The following KLHL4 variants were observed in gnomAD, a reference collection of about 807,000 sequenced individuals.
KLHL4 encodes the protein kelch like family member 4.
In KLHL4, 17 loss-of-function variants were observed where a neutral mutation model predicts 45.8. The ratio of observed to expected loss-of-function variants is 0.37; its 90% confidence interval spans 0.25 to 0.56. The LOEUF (loss-of-function observed/expected upper bound fraction) is 0.56. Among genes scored for constraint, KLHL4 ranks in the 20% least tolerant of loss-of-function variants. The pLI is 0.79. For synonymous variants in KLHL4, 224 were observed against 189.9 expected (o/e 1.18, Z -1.47); for missense variants, 544 against 544.9 (o/e 1.00, Z 0.02).
chrX:87,574,111 A>G (rs765080817), intron 1 of KLHL4, among the ~76,000 whole-genome samples: 32 of 112,067 alleles, frequency 2.9e-4, no homozygotes, highest in African/African-American at 1.0e-3. Flanking sequence ...TATTTGTAAT[A>G]GTAGGTAGCC....
chrX:87,549,836 A>G (rs1038037715), intron 1 of KLHL4, among the ~76,000 whole-genome samples: 2 of 111,401 alleles, frequency 1.8e-5, no homozygotes, highest in Non-Finnish European at 3.8e-5. Flanking sequence ...CTTCACATAA[A>G]CAATCTAAAG....
chrX:87,534,719 G>C (rs983262831), intron 1 of KLHL4, among the ~76,000 whole-genome samples: 2 of 111,537 alleles, frequency 1.8e-5, no homozygotes, highest in Non-Finnish European at 3.8e-5. Flanking sequence ...ACTTGGCATG[G>C]ATCACCTTGT....
At chrX:87,585,864 T>G (rs984033436) in intron 1 of KLHL4, among the ~76,000 whole-genome samples, 20 of 111,066 alleles carry the variant, frequency 1.8e-4, no homozygotes, top group African/African-American at 6.2e-4. Context: ...CTCATTGATC[T>G]TTTGCCTATG....
chrX:87,527,440 T>C (rs987011412), intron 1 of KLHL4, among the ~76,000 whole-genome samples: 5 of 111,382 alleles, frequency 4.5e-5, no homozygotes, highest in South Asian at 3.8e-4. Flanking sequence ...GCCAAGAGCC[T>C]GGGCCTGATG....
rs1211204416 is a variant in KLHL4 at position 87,660,075 on chromosome X, T to C, written c.1926-4689T>C. ...GAAAAACCCAAAGAATACAGTAGACTTAAACTGTGTTTAAACAACACTGCA... is the reference window on the plus strand; with the variant it reads ...GAAAAACCCAAAGAATACAGTAGACCTAAACTGTGTTTAAACAACACTGCA... On this transcript the variant is annotated intron_variant, in intron 9 of 10. Coordinates refer to ENST00000373119, the MANE Select transcript of KLHL4 (RefSeq NM_019117.5). Among the ~76,000 whole-genome samples the C allele has an allele frequency of 1.7e-4, 19 of 111,075 alleles. No homozygotes were observed. In the Admixed American group the frequency reaches 1.8e-3, roughly 11 times the overall value.
intron 1 of KLHL4, among the ~76,000 whole-genome samples, chrX:87,602,681 G>A (rs59186629): frequency 0.22 from 24,790 of 110,388 alleles, 2,063 homozygotes; most frequent in South Asian, 0.32. Flanking sequence ...CTATTGATGC[G>A]TTTTTCAGAA....
In KLHL4 at chrX:87,669,325, A is replaced by G. The variant is rs1209520732; in HGVS notation, c.*2791A>G. ...CTGTCTGTCACCTTCCTGTATTTCC[A>G]CAGAGCATGCAAGAACTTCTACAAA... On this transcript the variant is annotated 3_prime_UTR_variant, in exon 11 of 11. Coordinates refer to ENST00000373119, the MANE Select transcript of KLHL4 (RefSeq NM_019117.5). 1 of 1,206,830 alleles carries G rather than the reference A, an allele frequency of 8.3e-7. No homozygotes were observed.
intron 1 of KLHL4, among the ~76,000 whole-genome samples, chrX:87,540,383 G>A (rs1023475935): frequency 1.8e-5 from 2 of 111,507 alleles, no homozygotes; most frequent in Non-Finnish European, 3.8e-5. Context: ...TTTGATGCTT[G>A]TAGTAACACA....
chrX:87,635,833 A>G, intron 9 of KLHL4, 58 bp downstream of exon 9: 2 of 895,839 alleles, frequency 2.2e-6, no homozygotes, highest in South Asian at 5.7e-5. Flanking sequence ...TTTTTTAGAA[A>G]TAGAAAGATT....
At chrX:87,636,076 T>A (rs777982642) in intron 9 of KLHL4, among the ~76,000 whole-genome samples, 2 of 112,059 alleles carry the variant, frequency 1.8e-5, no homozygotes, top group African/African-American at 3.2e-5. Context: ...AACCAGAAAG[T>A]AGTCTTCCAA....
chrX:87,650,422 T>G (rs1923773410), intron 9 of KLHL4, among the ~76,000 whole-genome samples: 1 of 112,274 alleles, frequency 8.9e-6, no homozygotes. Context: ...CTTAACAATA[T>G]TAAGGCTTCC....
intron 1 of KLHL4, among the ~76,000 whole-genome samples, chrX:87,563,109 C>T (rs1932135604): frequency 9.0e-6 from 1 of 110,826 alleles, no homozygotes; most frequent in African/African-American, 3.3e-5. Flanking sequence ...TCTTAGATTA[C>T]AATGCTCAAT....
chrX:87,648,002 T>G lies in KLHL4; in HGVS notation c.1925+12227T>G, dbSNP rs999189020. Among the ~76,000 whole-genome samples, 3 of 111,306 alleles carry G rather than the reference T, an allele frequency of 2.7e-5. No individual in the cohort carries two copies. In the Admixed American group the frequency reaches 2.9e-4, roughly 11 times the overall value. On this transcript the variant is annotated intron_variant, in intron 9 of 10. Coordinates refer to ENST00000373119, the MANE Select transcript of KLHL4 (RefSeq NM_019117.5). The stretch of plus-strand genomic sequence containing the variant: ...AGAAATTAATAATATAATTCTGTAT[T>G]TTATTAATATACAGAAGTATTTATT...
intron 9 of KLHL4, among the ~76,000 whole-genome samples, chrX:87,648,580 A>G (rs1923711353): frequency 9.0e-6 from 1 of 111,628 alleles, no homozygotes. Context: ...GAAAAAAGCA[A>G]CTTGGAAGAA....
intron 1 of KLHL4, among the ~76,000 whole-genome samples, chrX:87,584,175 G>C (rs1921381718): frequency 8.9e-6 from 1 of 111,905 alleles, no homozygotes; most frequent in Non-Finnish European, 1.9e-5. Context: ...CCCTAAAGTA[G>C]ATACTGATTA....
Position 87,668,033 on chromosome X carries a change from C to T in KLHL4, c.*1499C>T, listed in dbSNP as rs867813676. 3 of 722,374 alleles carry T rather than the reference C, an allele frequency of 4.2e-6. No individual in the cohort carries two copies. Among genetic ancestry groups the T allele is most frequent in the Non-Finnish European group, 4.9e-6 (3 of 611,557 alleles). 59.5% of individuals were successfully genotyped at this position (722,374 alleles called of 1,213,427 possible). ...AATACTTAAACACAAAAATAAAATT[C>T]CACTCCTTTATTTCTTCTTACACCT... On this transcript the variant is annotated 3_prime_UTR_variant, in exon 11 of 11. Coordinates refer to ENST00000373119, the MANE Select transcript of KLHL4 (RefSeq NM_019117.5).
At chrX:87,555,841 C>T (rs1224594256) in intron 1 of KLHL4, among the ~76,000 whole-genome samples, 1 of 110,013 alleles carries the variant, frequency 9.1e-6, no homozygotes, top group East Asian at 2.9e-4. Context: ...TTCCTGCTTT[C>T]TCTTGTGGGC....
chrX:87,539,805 C>T (rs1005465753), intron 1 of KLHL4, among the ~76,000 whole-genome samples: 2 of 111,253 alleles, frequency 1.8e-5, no homozygotes, highest in Non-Finnish European at 3.8e-5. Flanking sequence ...TCCTTTCACC[C>T]TTATCTCCAT....
chrX:87,543,271 T>A (rs750212905), intron 1 of KLHL4, among the ~76,000 whole-genome samples: 1 of 111,374 alleles, frequency 9.0e-6, no homozygotes, highest in South Asian at 3.8e-4. Context: ...TAATATTCAG[T>A]TTTGGAAAAA....
Sources: gnomAD v4.1 joint callset for allele counts (sites outside exome capture counted in the v4.1 genomes callset) on GRCh38, gnomAD v4.1.1 for gene constraint, MANE v1.5 for transcripts, NCBI Gene and HGNC (gene_info 2026-07-23, HGNC 2026-07-21) for gene names.